The following CADM2 variants were observed in gnomAD, a reference collection of about 807,000 sequenced individuals.
CADM2 encodes immunoglobulin superfamily member 4D.
In CADM2, 12 loss-of-function variants were observed where a neutral mutation model predicts 49.8. That is an observed-to-expected ratio of 0.24 (90% CI 0.15 to 0.39). CADM2 has a LOEUF of 0.39. CADM2 is among the 10% of genes least tolerant of loss of function. CADM2 has a pLI of 1.00. For synonymous variants in CADM2, 214 were observed against 175.4 expected, an observed-to-expected ratio of 1.22 and a Z score of -1.74; for missense variants, 378 against 492.3, an observed-to-expected ratio of 0.77 and a Z score of 2.20.
intron 5 of CADM2, among the ~76,000 whole-genome samples, chr3:85,904,179 T>C (rs1485602339): frequency 6.6e-6 from 1 of 152,142 alleles, no homozygotes; most frequent in Non-Finnish European, 1.5e-5. Context: ...GGCAAAATGG[T>C]GGTAGCTTCC....
At chr3:85,855,863 T>TCTC (rs2075298853) in intron 3 of CADM2, among the ~76,000 whole-genome samples, 1 of 151,824 alleles carries the variant, frequency 6.6e-6, no homozygotes, top group Non-Finnish European at 1.5e-5. Context: ...CCTGACCTCG[T>TCTC]GATCAGCCTG....
chr3:85,999,465 A>G (rs554949919), intron 8 of CADM2, among the ~76,000 whole-genome samples: 13 of 151,692 alleles, frequency 8.6e-5, no homozygotes, highest in Non-Finnish European at 1.8e-4. Context: ...AGATAGTGCC[A>G]CTGCACTCCA....
intron 1 of CADM2, among the ~76,000 whole-genome samples, chr3:85,691,990 G>T (rs1311013880): frequency 1.3e-5 from 2 of 152,156 alleles, no homozygotes; most frequent in African/African-American, 4.8e-5. Flanking sequence ...TGGGAGAAGG[G>T]GGGAGGGATA....
At chr3:85,303,865 A>G (rs913392780) in intron 1 of CADM2, among the ~76,000 whole-genome samples, 6 of 151,934 alleles carry the variant, frequency 3.9e-5, no homozygotes, top group African/African-American at 1.4e-4. Context: ...ATTGGATGAT[A>G]TAACTAGGTA....
chr3:85,179,496 C>CTT (rs574521209), intron 1 of CADM2, among the ~76,000 whole-genome samples: 1 of 151,312 alleles, frequency 6.6e-6, no homozygotes, highest in Non-Finnish European at 1.5e-5. Context: ...GCAGGAAATC[C>CTT]TTTTTTTTAA....
intron 1 of CADM2, among the ~76,000 whole-genome samples, chr3:85,410,366 A>G (rs186575683): frequency 2.8e-4 from 42 of 152,274 alleles, no homozygotes; most frequent in African/African-American, 9.9e-4. Flanking sequence ...CTTGAGCATT[A>G]TACCAGATTA....
At chr3:85,295,854 C>T (rs2043948570) in intron 1 of CADM2, among the ~76,000 whole-genome samples, 1 of 151,488 alleles carries the variant, frequency 6.6e-6, no homozygotes, top group South Asian at 2.1e-4. Flanking sequence ...GTGCAACACA[C>T]CAGCATGGCA....
At chr3:85,310,972 G>A (rs1305193621) in intron 1 of CADM2, among the ~76,000 whole-genome samples, 1 of 152,066 alleles carries the variant, frequency 6.6e-6, no homozygotes, top group Non-Finnish European at 1.5e-5. Context: ...TATGCTAGAG[G>A]CCAATAATGA....
intron 3 of CADM2, among the ~76,000 whole-genome samples, chr3:85,880,292 A>G (rs1712548868): frequency 6.6e-6 from 1 of 152,088 alleles, no homozygotes; most frequent in Non-Finnish European, 1.5e-5. Flanking sequence ...TATTCCTTCT[A>G]TATATGGTGG....
At chr3:85,288,793 C>CCCCA (rs941968189) in intron 1 of CADM2, among the ~76,000 whole-genome samples, 2 of 136,242 alleles carry the variant, frequency 1.5e-5, no homozygotes, top group African/African-American at 5.1e-5. Flanking sequence ...TGCCCCCCCC[C>CCCCA]CCTCTTTTTT....
intron 1 of CADM2, among the ~76,000 whole-genome samples, chr3:85,398,261 G>GT (rs1051463326): frequency 1.3e-5 from 2 of 151,958 alleles, no homozygotes; most frequent in African/African-American, 2.4e-5. Context: ...GCAGTGTTTG[G>GT]TTTTTTGTCC....
At chr3:85,538,205 C>T (rs1483782189) in intron 1 of CADM2, among the ~76,000 whole-genome samples, 2 of 152,082 alleles carry the variant, frequency 1.3e-5, no homozygotes, top group Non-Finnish European at 2.9e-5. Context: ...CCTTCCAATG[C>T]CATGAGACAC....
chr3:85,243,760 T>G (rs1020678190), intron 1 of CADM2, among the ~76,000 whole-genome samples: 1 of 152,048 alleles, frequency 6.6e-6, no homozygotes, highest in Non-Finnish European at 1.5e-5. Flanking sequence ...TTTATTCGAA[T>G]AAAAATTTGG....
intron 8 of CADM2, among the ~76,000 whole-genome samples, chr3:86,024,331 A>G (rs1425234704): frequency 6.6e-6 from 1 of 152,110 alleles, no homozygotes; most frequent in Non-Finnish European, 1.5e-5. Context: ...GAAACTTATA[A>G]TTTTTTACTT....
intron 1 of CADM2, among the ~76,000 whole-genome samples, chr3:85,481,937 A>T (rs2039230806): frequency 6.6e-6 from 1 of 151,702 alleles, no homozygotes; most frequent in Non-Finnish European, 1.5e-5. Flanking sequence ...GAAAGAAATG[A>T]AAATACAAAA....
chr3:85,927,069 G>T (rs1361409785), intron 6 of CADM2, among the ~76,000 whole-genome samples: 2 of 152,130 alleles, frequency 1.3e-5, no homozygotes, highest in Non-Finnish European at 2.9e-5. Context: ...TTTTTGGTAT[G>T]CTTTATAAGA....
intron 6 of CADM2, among the ~76,000 whole-genome samples, chr3:85,915,505 G>A (rs1718169367): frequency 6.6e-6 from 1 of 152,096 alleles, no homozygotes; most frequent in Admixed American, 6.6e-5. Context: ...AGGAGACATT[G>A]AGCAACAGTC....
chr3:85,444,580 G>T (rs955059762), intron 1 of CADM2, among the ~76,000 whole-genome samples: 2 of 151,906 alleles, frequency 1.3e-5, no homozygotes, highest in African/African-American at 4.8e-5. Context: ...TTTGTAAATA[G>T]AGCTTTCGTG....
At chr3:85,653,022 C>T (rs1002794819) in intron 1 of CADM2, among the ~76,000 whole-genome samples, 2 of 151,648 alleles carry the variant, frequency 1.3e-5, no homozygotes. Context: ...ATCCACCTGC[C>T]TCTGCCTCCC....
Sources: allele counts gnomAD v4.1 joint callset (sites outside exome capture counted in the v4.1 genomes callset), GRCh38; gene constraint gnomAD v4.1.1; transcripts MANE v1.5; gene names NCBI Gene and HGNC (gene_info 2026-07-23, HGNC 2026-07-21).